The following CUBN variants were observed in gnomAD, a reference collection of about 807,000 sequenced individuals.
CUBN encodes cubilin.
In CUBN, 282 loss-of-function variants were observed where a neutral mutation model predicts 405.3. That is an observed-to-expected ratio of 0.70 (90% CI 0.63 to 0.77). The LOEUF (loss-of-function observed/expected upper bound fraction) is 0.77, where lower values mean the gene tolerates loss of function less well. CUBN is among the 30% of genes least tolerant of loss of function. The pLI, the probability that CUBN is intolerant of heterozygous loss-of-function variation, is 0.00. For synonymous variants in CUBN, 1,684 were observed against 1,617.0 expected (o/e 1.04, Z -0.99); for missense variants, 4,514 against 4,475.2 (o/e 1.01, Z -0.25).
At chr10:17,053,278 A>G (rs563490274) in intron 22 of CUBN, among the ~76,000 whole-genome samples, 1 of 152,128 alleles carries the variant, frequency 6.6e-6, no homozygotes, top group South Asian at 2.1e-4. Flanking sequence ...AAAACACAGA[A>G]AAAGCAGGAC....
chr10:16,841,045 T>C lies in CUBN; in HGVS notation c.9666A>G (p.Leu3222=), dbSNP rs372599172. 176 of 1,613,828 alleles carry C rather than the reference T, an allele frequency of 1.1e-4. No individual in the cohort carries two copies. The highest frequency in any genetic ancestry group is 1.4e-4 in the Non-Finnish European group (169 of 1,179,922). Residue 3222 remains leucine, a splice_region_variant and synonymous_variant, in exon 61 of 67, where the codon TTA becomes TTG. Transcript: ENST00000377833. ...TCGCATTTTCACTATCCCCATCATA[T>C]AACTGAGAAGAAAAACAATTCATTA... is the stretch of plus-strand genomic sequence containing the variant. ...RQRCLYDYVK[L]YDGDSENANL...
At position 16,825,037 on chromosome 10, in the gene CUBN, T is replaced by C; in HGVS notation, c.10810A>G (p.Ile3604Val). ...CGTGCATAATCAGCATGAAATTTTA[T>C]GAAGACCTGATTTGAGGAAGCCACG... ...PFVASSNQVFIKFHADYARRP... is the reference protein window; with the variant it reads ...PFVASSNQVFVKFHADYARRP... The change falls in exon 67 of 67, where the codon ATA becomes GTA. Residue 3604 changes from isoleucine to valine, a missense_variant. By Grantham distance (29) the Ile-to-Val change is conservative. Around this residue, in one of 5 missense-constraint regions of CUBN, gnomAD observed 1,186 missense variants for 1,186.9 expected, o/e 1.00. Transcript: ENST00000377833. The C allele has an allele frequency of 6.2e-7, 1 of 1,613,942 alleles. No homozygotes were observed. Among genetic ancestry groups the C allele is most frequent in the South Asian group, 1.1e-5 (1 of 91,074 alleles).
At chr10:17,010,657 T>TAA (rs10677407) in intron 28 of CUBN, among the ~76,000 whole-genome samples, 21,198 of 151,796 alleles carry the variant, frequency 0.14, 1,604 homozygotes, top group African/African-American at 0.2. Flanking sequence ...AATAAATAAA[T>TAA]ATATAAATAT....
chr10:16,853,197 C>G (rs963060042), intron 59 of CUBN, among the ~76,000 whole-genome samples: 2 of 152,114 alleles, frequency 1.3e-5, no homozygotes, highest in Non-Finnish European at 2.9e-5. Flanking sequence ...AATTTATTGA[C>G]AATTTTGAAA....
intron 21 of CUBN, 63 bp from the exon 22 acceptor site, chr10:17,065,701 A>G: frequency 6.3e-7 from 1 of 1,598,344 alleles, no homozygotes; most frequent in Non-Finnish European, 8.6e-7. Flanking sequence ...AAATGATGTA[A>G]CAAAAATTTG....
chr10:17,017,767 A>T (rs533434089), intron 28 of CUBN, among the ~76,000 whole-genome samples: 1 of 152,246 alleles, frequency 6.6e-6, no homozygotes, highest in African/African-American at 2.4e-5. Flanking sequence ...TTTATATTAG[A>T]AATCATTCTT....
At chr10:17,128,777 G>C (rs907779093) in intron 2 of CUBN, among the ~76,000 whole-genome samples, 1 of 152,158 alleles carries the variant, frequency 6.6e-6, no homozygotes, top group Non-Finnish European at 1.5e-5. Context: ...CTGAAGACAG[G>C]TTGATTAATG....
chr10:16,867,207 A>T (rs1840212385), intron 59 of CUBN, among the ~76,000 whole-genome samples: 1 of 152,196 alleles, frequency 6.6e-6, no homozygotes, highest in South Asian at 2.1e-4. Flanking sequence ...ATGAAAATCC[A>T]CTATCTGGTC....
At chr10:17,076,787 G>A (rs948488023) in intron 17 of CUBN, among the ~76,000 whole-genome samples, 8 of 152,154 alleles carry the variant, frequency 5.3e-5, no homozygotes, top group East Asian at 1.9e-4. Flanking sequence ...GCAAGCTCTA[G>A]AGCCTGGGTC....
chr10:16,898,442 T>C (rs1841257955), intron 54 of CUBN, among the ~76,000 whole-genome samples: 2 of 152,020 alleles, frequency 1.3e-5, no homozygotes, highest in African/African-American at 4.8e-5. Context: ...ACAGTGGAAA[T>C]AAGGCACTCT....
intron 51 of CUBN, among the ~76,000 whole-genome samples, chr10:16,903,441 T>C (rs2131428386): frequency 6.6e-6 from 1 of 152,020 alleles, no homozygotes; most frequent in African/African-American, 2.4e-5. Context: ...TGCAAGAAAA[T>C]GAAATTCTGT....
rs149167341 is a variant in CUBN at position 17,047,568 on chromosome 10, A to C, written c.3175T>G (p.Phe1059Val). The change falls in exon 23 of 67, where the codon TTC (phenylalanine) becomes GTC (valine). Residue 1059 changes from phenylalanine to valine, a missense_variant. Phe to Val is a conservative substitution (Grantham distance 50). This residue lies in a region of CUBN where 1,448 missense variants were observed against 1,388.0 expected (regional missense o/e 1.04). Coordinates refer to ENST00000377833, the MANE Select transcript of CUBN (RefSeq NM_001081.4). Reference protein sequence around the residue: ...LQDYTDDLGTFTSPNFPNNYP... With the variant: ...LQDYTDDLGTVTSPNFPNNYP... ...TTATTGGGGAAGTTTGGAGAAGTGA[A>C]TGTCCCCAAATCATCTGTGTAGTCT... 16 of 1,614,110 alleles carry C rather than the reference A, an allele frequency of 9.9e-6. No individual in the cohort carries two copies. Among genetic ancestry groups the C allele is most frequent in the African/African-American group, 1.3e-5 (1 of 75,056 alleles).
intron 32 of CUBN, 118 bp from the exon 33 acceptor site, chr10:16,952,507 C>T (rs890634596): frequency 7.6e-5 from 55 of 726,464 alleles, no homozygotes; most frequent in Middle Eastern, 2.4e-4. Flanking sequence ...CTAAAATGCA[C>T]GCCAAGAAAG....
chr10:17,005,650 C>T (rs1437648064), intron 28 of CUBN, among the ~76,000 whole-genome samples: 3 of 152,180 alleles, frequency 2.0e-5, no homozygotes, highest in African/African-American at 7.2e-5. Flanking sequence ...CGCAGGCTGT[C>T]CTAGCTATTT....
chr10:16,863,779 CCTT>C (rs1411071651), intron 59 of CUBN, among the ~76,000 whole-genome samples: 3 of 150,438 alleles, frequency 2.0e-5, no homozygotes, highest in Admixed American at 6.6e-5. Context: ...TTCTCTGTCT[CCTT>C]CTTTCTTTCT....
At position 16,838,316 on chromosome 10, in the gene CUBN, T is replaced by TA. The variant is rs201246350; in HGVS notation, c.10033-1935dup. Among the ~76,000 whole-genome samples the TA allele has an allele frequency of 8.9e-3, 1,351 of 152,286 alleles. 21 individuals carry two copies. The highest frequency in any genetic ancestry group is 0.03 in the African/African-American group (1,251 of 41,556). On this transcript the variant is annotated intron_variant, in intron 62 of 66. Transcript: ENST00000377833. ...CCCTGAAAACTCAGAAGACAACAGA[T>TA]ACTCTACTAGTCCAGCATATGGGGC...
chr10:16,910,059 A>G (rs1266902331), intron 48 of CUBN, among the ~76,000 whole-genome samples: 1 of 151,112 alleles, frequency 6.6e-6, no homozygotes, highest in Admixed American at 6.6e-5. Flanking sequence ...TTTTTCTTTC[A>G]TCTTTTACTT....
chr10:16,825,229 A>G, intron 66 of CUBN, 147 bp from the exon 67 acceptor site: 2 of 634,858 alleles, frequency 3.2e-6, no homozygotes, highest in Admixed American at 2.4e-5. Flanking sequence ...GTAACCTTGC[A>G]AAGAATGAAT....
chr10:17,115,392 G>T (rs1836869185), intron 7 of CUBN, 79 bp downstream of exon 7: 2 of 1,573,666 alleles, frequency 1.3e-6, no homozygotes, highest in Non-Finnish European at 1.7e-6. Context: ...GGTAGTGCTT[G>T]TATGCAGTGG....
Sources: allele counts gnomAD v4.1 joint callset (sites outside exome capture counted in the v4.1 genomes callset), GRCh38; gene constraint gnomAD v4.1.1; regional missense constraint gnomAD v4.1.1; transcripts MANE v1.5; gene names NCBI Gene and HGNC (gene_info 2026-07-23, HGNC 2026-07-21).